Variants in FAM228B observed in about 807,000 individuals in gnomAD.
The protein encoded by FAM228B is protein FAM228B.
Under a neutral mutation model 42.6 loss-of-function variants are expected in FAM228B, and 38 were observed. The ratio of observed to expected loss-of-function variants is 0.89; its 90% CI spans 0.69 to 1.17. FAM228B has a LOEUF of 1.17. Among genes scored for constraint, FAM228B ranks in the 50% most tolerant of loss-of-function variants. FAM228B has a pLI of 0.00. For missense variants in FAM228B, 344 were observed against 367.3 expected (o/e 0.94, Z 0.52); for synonymous variants, 109 against 122.3 (o/e 0.89, Z 0.72).
rs755020931 is a variant in FAM228B, at chr2:24,084,260, G to A, written c.-210+3305G>A. The A allele has an allele frequency of 2.5e-5, 41 of 1,613,796 alleles. No individual in the cohort carries two copies. The highest frequency in any genetic ancestry group is 3.3e-5 in the Non-Finnish European group (39 of 1,179,936). On this transcript the variant is annotated intron_variant, in intron 2 of 10. Coordinates refer to the FAM228B transcript ENST00000613899. This position sits in a 1 kb window ranked among gnomAD's most constrained non-coding sequence, Gnocchi z 8.4. ...AGGACTTCACCCTCCCCCGGGCTCG[G>A]CTTGGCCACCTCCTTCACGTAGAGG... is the stretch of plus-strand genomic sequence containing the variant.
chr2:24,154,794 C>T (rs1667097385), intron 7 of FAM228B, among the ~76,000 whole-genome samples: 1 of 152,134 alleles, frequency 6.6e-6, no homozygotes, highest in Non-Finnish European at 1.5e-5. Flanking sequence ...GATTATCTGG[C>T]CTTTTTTTGC....
chr2:24,166,913 A>G (rs1667430311), intron 9 of FAM228B, among the ~76,000 whole-genome samples: 1 of 152,058 alleles, frequency 6.6e-6, no homozygotes, highest in African/African-American at 2.4e-5. Context: ...TTCAGGAAAC[A>G]GCAAGAAAAA....
At chr2:24,150,392 G>T (rs1383057553) in intron 7 of FAM228B, among the ~76,000 whole-genome samples, 1 of 151,770 alleles carries the variant, frequency 6.6e-6, no homozygotes, top group Non-Finnish European at 1.5e-5. Context: ...TAGGGTAAAA[G>T]TTTTTTTCTG....
At chr2:24,082,951 T>C (rs370432179) in intron 2 of FAM228B, 1 of 1,613,934 alleles carries the variant, frequency 6.2e-7, no homozygotes, top group Non-Finnish European at 8.5e-7. Flanking sequence ...TGGGTCAGGG[T>C]CAATCCCTCT....
chr2:24,136,861 T>C (rs1666603949), intron 3 of FAM228B, among the ~76,000 whole-genome samples: 1 of 152,228 alleles, frequency 6.6e-6, no homozygotes, highest in Admixed American at 6.5e-5. Flanking sequence ...CCATCACCAC[T>C]ATTTCCAAAA....
intron 9 of FAM228B, among the ~76,000 whole-genome samples, chr2:24,164,699 G>A (rs1667362584): frequency 6.6e-6 from 1 of 152,182 alleles, no homozygotes; most frequent in Non-Finnish European, 1.5e-5. Context: ...TTACCACTTA[G>A]CATAGCCAAG....
chr2:24,167,841 A>C (rs1483694996), intron 10 of FAM228B, 158 bp downstream of exon 10: 31 of 833,930 alleles, frequency 3.7e-5, no homozygotes, highest in Non-Finnish European at 5.6e-5. Context: ...ATGATGATCT[A>C]TTTCAGTGTA....
In FAM228B at chr2:24,080,377, C is replaced by T. The variant is rs1664945338; in HGVS notation, c.-289-499C>T. 6.6e-6 allele frequency among the ~76,000 whole-genome samples: 1 copy of T among 151,430 alleles called. No homozygotes were observed. Among genetic ancestry groups the T allele is most frequent in the African/African-American group, 2.4e-5 (1 of 41,220 alleles). ...CTCAAAAAAAAAAAAGAAAGAGAAA[C>T]GGAAAGGGATGAGCCAAAAATAGAC... is the stretch of plus-strand genomic sequence containing the variant. On this transcript the variant is annotated intron_variant, in intron 1 of 10. Coordinates refer to the FAM228B transcript ENST00000613899. The surrounding 1 kb of genome is among the most constrained non-coding windows in gnomAD (Gnocchi z 4.7).
rs1664955048 is a variant in FAM228B at position 24,080,633 on chromosome 2, C to T, written c.-289-243C>T. 3 of 685,978 alleles carry T rather than the reference C, an allele frequency of 4.4e-6. No individual in the cohort carries two copies. Among genetic ancestry groups the T allele is most frequent in the Admixed American group, 5.0e-5 (2 of 39,942 alleles). The allele number at this position is 685,978 out of a possible 1,614,324, so 42.5% of individuals were successfully genotyped here. A position where few individuals can be genotyped will look rare whatever the true frequency, so the allele number is the denominator to read the frequency against. ...TTGCAAGAATGCACATGGAAACCATCTTAGATTTAAATATGACTGCCTGTC... is the reference window on the plus strand; with the variant it reads ...TTGCAAGAATGCACATGGAAACCATTTTAGATTTAAATATGACTGCCTGTC... On this transcript the variant is annotated intron_variant, in intron 1 of 10. Transcript: ENST00000613899. This position sits in a 1 kb window ranked among gnomAD's most constrained non-coding sequence, Gnocchi z 4.7.
chr2:24,145,968 C>T (rs1237002992), intron 5 of FAM228B, among the ~76,000 whole-genome samples: 1 of 152,186 alleles, frequency 6.6e-6, no homozygotes, highest in Non-Finnish European at 1.5e-5. Context: ...GGATTACAGG[C>T]GTGAGCCACT....
upstream of FAM228B, chr2:24,119,661 C>G: frequency 1.2e-6 from 2 of 1,612,598 alleles, no homozygotes; most frequent in Non-Finnish European, 1.7e-6. Context: ...TGGGTCTTCA[C>G]GACAACCACA....
intron 9 of FAM228B, among the ~76,000 whole-genome samples, chr2:24,165,715 GC>G (rs1667388030): frequency 6.6e-6 from 1 of 152,070 alleles, no homozygotes; most frequent in South Asian, 2.1e-4. Flanking sequence ...GAAGAAAAAA[GC>G]CCCAACATTT....
intron 2 of FAM228B, among the ~76,000 whole-genome samples, chr2:24,089,411 G>A (rs890417540): frequency 6.6e-6 from 1 of 152,026 alleles, no homozygotes; most frequent in Non-Finnish European, 1.5e-5. Flanking sequence ...GCAACAAGTA[G>A]TAAAATCTAG....
intron 9 of FAM228B, 76 bp downstream of exon 9, chr2:24,164,411 C>T (rs1334280966): frequency 6.9e-7 from 1 of 1,446,198 alleles, no homozygotes; most frequent in African/African-American, 1.4e-5. Context: ...CACCTGGGAA[C>T]TTTCTTTGTA....
chr2:24,116,822 A>C (rs1665934010), intron 3 of FAM228B, among the ~76,000 whole-genome samples: 1 of 151,742 alleles, frequency 6.6e-6, no homozygotes, highest in East Asian at 1.9e-4. Flanking sequence ...AGTTGCAGGG[A>C]GCCAATATCA....
At chr2:24,152,501 C>T (rs894814841) in intron 7 of FAM228B, among the ~76,000 whole-genome samples, 3 of 152,212 alleles carry the variant, frequency 2.0e-5, no homozygotes, top group Admixed American at 2.0e-4. Flanking sequence ...GGGCCCCAAG[C>T]CCAATAATAC....
intron 3 of FAM228B, among the ~76,000 whole-genome samples, chr2:24,109,171 CAAAAAA>C (rs70944716): frequency 1.5e-4 from 14 of 96,030 alleles, no homozygotes; most frequent in African/African-American, 5.8e-4. Flanking sequence ...AGAGTAATGG[CAAAAAA>C]AAAAAAAAAA....
At chr2:24,156,199 G>A (rs895637809) in intron 7 of FAM228B, among the ~76,000 whole-genome samples, 1 of 152,194 alleles carries the variant, frequency 6.6e-6, no homozygotes. Context: ...AGCGAGTCGT[G>A]CTTGTCATCT....
At chr2:24,085,481 G>A (rs1410231320) in intron 2 of FAM228B, among the ~76,000 whole-genome samples, 1 of 152,098 alleles carries the variant, frequency 6.6e-6, no homozygotes, top group African/African-American at 2.4e-5. Context: ...CATATCCGTA[G>A]CACTCCTTGT....
Sources: gnomAD v4.1 joint callset for allele counts (sites outside exome capture counted in the v4.1 genomes callset) on GRCh38, gnomAD v4.1.1 for gene constraint, Gnocchi (gnomAD v3.1) non-coding constraint, MANE v1.5 for transcripts, NCBI Gene and HGNC (gene_info 2026-07-23, HGNC 2026-07-21) for gene names.